The following RABGAP1L variants were observed in gnomAD, a reference collection of about 807,000 sequenced individuals.
RABGAP1L encodes the protein RAB GTPase activating protein 1 like.
RABGAP1L carries 63 observed loss-of-function variants against 137.7 expected under a neutral mutation model. The observed-to-expected ratio is 0.46, with a 90% CI of 0.37 to 0.56. The LOEUF is 0.56. Among genes scored for constraint, RABGAP1L ranks in the 20% least tolerant of loss-of-function variants. The pLI is 0.00. For synonymous variants in RABGAP1L, 431 were observed against 433.7 expected (o/e 0.99, Z 0.08); for missense variants, 1,095 against 1,244.0 (o/e 0.88, Z 1.80).
intron 19 of RABGAP1L, among the ~76,000 whole-genome samples, chr1:174,877,157 T>G (rs1450362803): frequency 6.6e-6 from 1 of 152,194 alleles, no homozygotes; most frequent in African/African-American, 2.4e-5. Flanking sequence ...ATATTTCTAG[T>G]TAGGAAACTT....
intron 19 of RABGAP1L, among the ~76,000 whole-genome samples, chr1:174,931,255 TTA>T (rs1663743583): frequency 6.6e-6 from 1 of 152,214 alleles, no homozygotes; most frequent in Non-Finnish European, 1.5e-5. Context: ...ATTCTTTGCA[TTA>T]TATTCTGAAA....
At chr1:174,756,488 T>C (rs564697202) in intron 18 of RABGAP1L, among the ~76,000 whole-genome samples, 1 of 152,082 alleles carries the variant, frequency 6.6e-6, no homozygotes, top group South Asian at 2.1e-4. Flanking sequence ...TGAAAGCCAC[T>C]GACTTTATTG....
At chr1:174,652,187 C>T (rs1675569319) in intron 14 of RABGAP1L, among the ~76,000 whole-genome samples, 1 of 152,180 alleles carries the variant, frequency 6.6e-6, no homozygotes, top group African/African-American at 2.4e-5. Context: ...AGCTTGTAGA[C>T]TTTCTGCCGA....
chr1:174,507,171 G>T (rs1178502739), intron 13 of RABGAP1L, among the ~76,000 whole-genome samples: 3 of 152,190 alleles, frequency 2.0e-5, no homozygotes, highest in Admixed American at 2.0e-4. Context: ...AAATGAGTAA[G>T]AGTCTGAAGT....
chr1:174,929,425 T>A (rs1258085957), intron 19 of RABGAP1L, among the ~76,000 whole-genome samples: 1 of 152,156 alleles, frequency 6.6e-6, no homozygotes, highest in Non-Finnish European at 1.5e-5. Context: ...ATGACCAATT[T>A]ATCTGCTTTA....
intron 1 of RABGAP1L, among the ~76,000 whole-genome samples, chr1:174,214,053 TC>T (rs1205614404): frequency 6.6e-6 from 1 of 152,212 alleles, no homozygotes; most frequent in Non-Finnish European, 1.5e-5. Flanking sequence ...TGTCAGATTA[TC>T]CTTGTTTGCA....
At chr1:174,484,964 T>C (rs77509071) in intron 13 of RABGAP1L, among the ~76,000 whole-genome samples, 33 of 152,226 alleles carry the variant, frequency 2.2e-4, no homozygotes, top group Non-Finnish European at 4.3e-4. Context: ...TTTAACAAGA[T>C]TGAGTCTTCC....
At chr1:174,533,435 T>A (rs1664611617) in intron 13 of RABGAP1L, among the ~76,000 whole-genome samples, 1 of 152,150 alleles carries the variant, frequency 6.6e-6, no homozygotes, top group Admixed American at 6.6e-5. Context: ...CAGATTTTCT[T>A]TTACCTCTGC....
intron 1 of RABGAP1L, among the ~76,000 whole-genome samples, chr1:174,192,613 C>A (rs937463375): frequency 5.9e-5 from 9 of 152,150 alleles, no homozygotes; most frequent in Non-Finnish European, 1.0e-4. Flanking sequence ...TGAGCCACTG[C>A]ACCCAGCCTC....
intron 19 of RABGAP1L, 84 bp from the exon 20 acceptor site, chr1:174,957,373 C>A: frequency 9.1e-7 from 1 of 1,102,072 alleles, no homozygotes; most frequent in Non-Finnish European, 1.4e-6. Context: ...CTTAGAATGC[C>A]AGAAATTTAA....
chr1:174,925,506 C>T (rs961015577), intron 19 of RABGAP1L, among the ~76,000 whole-genome samples: 1 of 151,614 alleles, frequency 6.6e-6, no homozygotes, highest in African/African-American at 2.4e-5. Flanking sequence ...GGAGACCAGA[C>T]GTAGAATAGC....
chr1:174,596,102 G>T (rs914529023), intron 13 of RABGAP1L, among the ~76,000 whole-genome samples: 1 of 130,118 alleles, frequency 7.7e-6, no homozygotes, highest in African/African-American at 3.4e-5. Flanking sequence ...TATTCGGGTG[G>T]GAGTGACCCG....
chr1:174,524,351 G>A (rs567636116), intron 13 of RABGAP1L, among the ~76,000 whole-genome samples: 13 of 152,042 alleles, frequency 8.6e-5, no homozygotes, highest in South Asian at 6.2e-4. Flanking sequence ...CATTCTACCT[G>A]GGGTAAGATG....
In RABGAP1L at chr1:174,308,978, A is replaced by G. The variant is rs1195943471; in HGVS notation, c.1465+3851A>G. Among the ~76,000 whole-genome samples, 7 of 151,950 alleles carry G rather than the reference A, an allele frequency of 4.6e-5. No homozygotes were observed. In the East Asian group the frequency reaches 9.6e-4, roughly 21 times the overall value. On this transcript the variant is annotated intron_variant, in intron 11 of 25. Coordinates refer to ENST00000681986, the MANE Select transcript of RABGAP1L (RefSeq NM_001366446.1). The stretch of plus-strand genomic sequence containing the variant: ...ATTTCTTTGAGTAGTATAGACATTT[A>G]AACATATTAATTCTTCCAATCCATG...
chr1:174,231,166 C>A lies in RABGAP1L; in HGVS notation c.353C>A (p.Ser118Tyr). Residue 118 changes from serine to tyrosine, a missense_variant, in exon 4 of 26, where the codon TCT becomes TAT. Around this residue, in one of 4 missense-constraint regions of RABGAP1L, gnomAD observed 356 missense variants for 326.3 expected, o/e 1.09. Coordinates refer to ENST00000681986, the MANE Select transcript of RABGAP1L (RefSeq NM_001366446.1). ...SNTEISTPRP[S>Y]SPGGLPEEDS... is the part of the protein sequence containing the mutation. ...TCAGAAATTTCTACACCCAGACCAT[C>A]TTCTCCAGGTGGACTACCTGAAGAA... 1 of 1,612,336 alleles carries A rather than the reference C, an allele frequency of 6.2e-7. No homozygotes were observed. Among genetic ancestry groups the A allele is most frequent in the Non-Finnish European group, 8.5e-7 (1 of 1,178,924 alleles).
chr1:174,343,163 T>G (rs1010658100), intron 11 of RABGAP1L, among the ~76,000 whole-genome samples: 12 of 152,240 alleles, frequency 7.9e-5, no homozygotes, highest in African/African-American at 2.9e-4. Flanking sequence ...TCTCCCTCTT[T>G]AATTGCACAG....
chr1:174,281,608 T>G (rs900453664), intron 10 of RABGAP1L, among the ~76,000 whole-genome samples: 1 of 152,170 alleles, frequency 6.6e-6, no homozygotes, highest in Non-Finnish European at 1.5e-5. Context: ...AAACACCAAG[T>G]ATAAATGCCC....
At chr1:174,599,031 T>C (rs1202926028) in intron 13 of RABGAP1L, among the ~76,000 whole-genome samples, 3 of 149,014 alleles carry the variant, frequency 2.0e-5, no homozygotes, top group African/African-American at 7.3e-5. Context: ...TTTCCCGTTC[T>C]GTTGTTTTTG....
intron 13 of RABGAP1L, among the ~76,000 whole-genome samples, chr1:174,422,572 A>G (rs1651444963): frequency 6.6e-6 from 1 of 152,172 alleles, no homozygotes; most frequent in Non-Finnish European, 1.5e-5. Flanking sequence ...TTTTATTGAT[A>G]TGCAAATACA....
Sources: gnomAD v4.1 joint callset for allele counts (sites outside exome capture counted in the v4.1 genomes callset) on GRCh38, gnomAD v4.1.1 for gene constraint, gnomAD v4.1.1 regional missense constraint, MANE v1.5 for transcripts, NCBI Gene and HGNC (gene_info 2026-07-23, HGNC 2026-07-21) for gene names.